Variants in DLGAP1 observed in about 807,000 individuals in gnomAD.
The protein encoded by DLGAP1 is disks large-associated protein 1.
Under a neutral mutation model 90.8 loss-of-function variants are expected in DLGAP1, and 11 were observed. The observed-to-expected ratio is 0.12, with a 90% CI of 0.08 to 0.20. The LOEUF is 0.20. DLGAP1 is among the 10% of genes least tolerant of loss of function. The pLI is 1.00. For synonymous variants in DLGAP1, 558 were observed against 540.7 expected (o/e 1.03, Z -0.44); for missense variants, 1,050 against 1,333.8 (o/e 0.79, Z 3.31).
rs568126692 is a variant in DLGAP1, at chr18:4,417,349, T to C, written c.-267+37657A>G. On this transcript the variant is annotated intron_variant, in intron 1 of 12. Transcript: ENST00000315677. ...GTTTTGTTAATATATAATGGGTTTATTATTATTTTAAAATGAATTGATAAA... is the reference window on the plus strand; with the variant it reads ...GTTTTGTTAATATATAATGGGTTTACTATTATTTTAAAATGAATTGATAAA... Among the ~76,000 whole-genome samples, 197 of 152,304 alleles carry C rather than the reference T, an allele frequency of 1.3e-3. 1 individual carries two copies. The highest frequency in any genetic ancestry group is 4.5e-3 in the African/African-American group (189 of 41,574).
At chr18:3,504,885 G>A (rs1389507129) in intron 11 of DLGAP1, among the ~76,000 whole-genome samples, 1 of 152,186 alleles carries the variant, frequency 6.6e-6, no homozygotes, top group Non-Finnish European at 1.5e-5. Context: ...AAGACATGCT[G>A]CCTTGGAGAC....
intron 2 of DLGAP1, among the ~76,000 whole-genome samples, chr18:4,125,155 G>A (rs1409047978): frequency 6.6e-6 from 1 of 152,214 alleles, no homozygotes; most frequent in East Asian, 1.9e-4. Flanking sequence ...CAGGCATTAT[G>A]CCAGGCACTG....
intron 1 of DLGAP1, among the ~76,000 whole-genome samples, chr18:4,427,599 C>T (rs767893987): frequency 1.6e-4 from 24 of 152,084 alleles, no homozygotes; most frequent in Middle Eastern, 3.2e-3. Flanking sequence ...GATAGTAGAA[C>T]GCACTCAAAG....
intron 2 of DLGAP1, among the ~76,000 whole-genome samples, chr18:4,080,070 A>G (rs2075583424): frequency 6.6e-6 from 1 of 152,182 alleles, no homozygotes; most frequent in South Asian, 2.1e-4. Flanking sequence ...TCTGACATCT[A>G]GCTTGATGAC....
chr18:3,537,122 C>A (rs1338399628), intron 9 of DLGAP1, among the ~76,000 whole-genome samples: 1 of 151,988 alleles, frequency 6.6e-6, no homozygotes, highest in Non-Finnish European at 1.5e-5. Flanking sequence ...ACCAGCTGAA[C>A]CATTATTAAA....
intron 2 of DLGAP1, among the ~76,000 whole-genome samples, chr18:4,114,920 G>A (rs189639624): frequency 3.3e-5 from 5 of 152,116 alleles, no homozygotes; most frequent in Admixed American, 3.3e-4. Context: ...TCTGCCTTTT[G>A]ATTGGATTGT....
chr18:3,821,088 C>T lies in DLGAP1; in HGVS notation c.958-6815G>A, dbSNP rs189696923. Among the ~76,000 whole-genome samples, 163 of 152,084 alleles carry T rather than the reference C, an allele frequency of 1.1e-3. 1 individual carries two copies. The highest frequency in any genetic ancestry group is 3.5e-3 in the African/African-American group (144 of 41,508). On this transcript the variant is annotated intron_variant, in intron 4 of 12. Coordinates refer to ENST00000315677, the MANE Select transcript of DLGAP1 (RefSeq NM_004746.4). ...TCACTTGATTCCAGGAGTTTGAGAC[C>T]GGCCTAGGCAACATAGCAAGACCCC...
intron 3 of DLGAP1, among the ~76,000 whole-genome samples, chr18:3,994,558 G>A (rs1037612053): frequency 6.6e-6 from 1 of 152,200 alleles, no homozygotes; most frequent in East Asian, 1.9e-4. Flanking sequence ...GAAATTTCGA[G>A]TTGCAGAAAC....
intron 1 of DLGAP1, among the ~76,000 whole-genome samples, chr18:4,246,681 A>G (rs913649228): frequency 3.3e-5 from 5 of 152,164 alleles, no homozygotes; most frequent in African/African-American, 1.2e-4. Context: ...TTCCGTCTCG[A>G]GGGTAATTGC....
chr18:3,947,641 TTAAGGGGA>T (rs1159768760), intron 3 of DLGAP1, among the ~76,000 whole-genome samples: 5 of 152,192 alleles, frequency 3.3e-5, no homozygotes, highest in Non-Finnish European at 7.3e-5. Context: ...ACTTTGAGGT[TTAAGGGGA>T]CTCCCCCCAC....
intron 2 of DLGAP1, among the ~76,000 whole-genome samples, chr18:4,026,171 C>G (rs950011212): frequency 6.6e-6 from 1 of 152,148 alleles, no homozygotes; most frequent in Non-Finnish European, 1.5e-5. Context: ...CACAAACATG[C>G]AAAGTCACTA....
At chr18:3,732,539 A>G (rs1436578161) in intron 6 of DLGAP1, among the ~76,000 whole-genome samples, 3 of 152,290 alleles carry the variant, frequency 2.0e-5, no homozygotes, top group East Asian at 3.9e-4. Context: ...TCTCTCTTAT[A>G]TTCCATATGT....
chr18:4,318,005 G>A (rs749117281), intron 1 of DLGAP1, among the ~76,000 whole-genome samples: 2 of 151,940 alleles, frequency 1.3e-5, no homozygotes, highest in Non-Finnish European at 2.9e-5. Context: ...GTACCATCAC[G>A]CCCAGATAAT....
At chr18:4,000,830 C>CA (rs1435049024) in intron 3 of DLGAP1, among the ~76,000 whole-genome samples, 3 of 151,790 alleles carry the variant, frequency 2.0e-5, no homozygotes, top group Non-Finnish European at 4.4e-5. Flanking sequence ...TAACTAGTGC[C>CA]AAAAAAACCT....
At chr18:3,513,145 T>G (rs1474168283) in intron 10 of DLGAP1, among the ~76,000 whole-genome samples, 2 of 152,204 alleles carry the variant, frequency 1.3e-5, no homozygotes, top group African/African-American at 4.8e-5. Context: ...AGTGACTGGC[T>G]TATTCCACTT....
chr18:4,230,194 T>C (rs914400371), intron 1 of DLGAP1, among the ~76,000 whole-genome samples: 3 of 152,140 alleles, frequency 2.0e-5, no homozygotes, highest in Admixed American at 6.6e-5. Context: ...CAATGTAAAT[T>C]AGTACAACCA....
At chr18:3,647,561 G>A (rs2059164486) in intron 7 of DLGAP1, among the ~76,000 whole-genome samples, 1 of 151,640 alleles carries the variant, frequency 6.6e-6, no homozygotes, top group African/African-American at 2.4e-5. Context: ...CGCTTCTGGG[G>A]TTCAAGCGAT....
At chr18:3,922,890 T>C (rs538090684) in intron 3 of DLGAP1, among the ~76,000 whole-genome samples, 40 of 152,248 alleles carry the variant, frequency 2.6e-4, no homozygotes, top group Admixed American at 4.6e-4. Flanking sequence ...CCCAGCACTT[T>C]GGGAGGCTGA....
chr18:3,736,644 T>C lies in DLGAP1; in HGVS notation c.1350+5691A>G, dbSNP rs79300147. 3.5e-3 allele frequency among the ~76,000 whole-genome samples: 527 copies of C among 152,326 alleles called. 3 individuals are homozygous for C. The highest frequency in any genetic ancestry group is 0.012 in the African/African-American group (506 of 41,584). On this transcript the variant is annotated intron_variant, in intron 6 of 12. Transcript: ENST00000315677. ...CTAGGGTATATACAGTAGCATTGCT[T>C]TGAAGAGGAAACTATTCTCCTTTGA...
Sources: allele counts gnomAD v4.1 joint callset (sites outside exome capture counted in the v4.1 genomes callset), GRCh38; gene constraint gnomAD v4.1.1; transcripts MANE v1.5; gene names NCBI Gene and HGNC (gene_info 2026-07-23, HGNC 2026-07-21).